Variants in KCNH8 observed in about 807,000 individuals in gnomAD.
The protein encoded by KCNH8 is voltage-gated delayed rectifier potassium channel KCNH8.
A neutral mutation model predicts 103.6 loss-of-function variants in KCNH8; 70 were observed. The observed-to-expected ratio is 0.68, with a 90% CI of 0.56 to 0.82. The LOEUF (loss-of-function observed/expected upper bound fraction) is 0.82, where lower values mean the gene tolerates loss of function less well. KCNH8 is among the 40% of genes least tolerant of loss of function. KCNH8 has a pLI of 0.00. For missense variants in KCNH8, 1,217 were observed against 1,329.9 expected (o/e 0.92, Z 1.32); for synonymous variants, 498 against 489.4 (o/e 1.02, Z -0.23).
chr3:19,151,262 C>G (rs987011659), intron 1 of KCNH8, among the ~76,000 whole-genome samples: 1 of 151,882 alleles, frequency 6.6e-6, no homozygotes, highest in Non-Finnish European at 1.5e-5. Context: ...CATTTATTTT[C>G]TTTTGCAAGA....
At position 19,281,247 on chromosome 3, in the gene KCNH8, A is replaced by G. The variant is rs1362484759; in HGVS notation, c.360A>G (p.Lys120=). The part of the protein sequence containing the change: ...LLDIVPIKNE[K]GDVVLFLASF... Reference sequence around the variant, plus strand: ...ATATTGTTCCCATAAAGAATGAAAAAGGAGATGTAGTACTTTTTCTGGCCT... The same window carrying G: ...ATATTGTTCCCATAAAGAATGAAAAGGGAGATGTAGTACTTTTTCTGGCCT... The change falls in exon 3 of 16, where the codon AAA becomes AAG. Residue 120 remains lysine, a synonymous_variant. Transcript: ENST00000328405. 1.2e-6 allele frequency: 2 copies of G among 1,611,544 alleles called. No individual in the cohort carries two copies. The highest frequency in any genetic ancestry group is 2.2e-5 in the East Asian group (1 of 44,766).
intron 3 of KCNH8, among the ~76,000 whole-genome samples, chr3:19,290,643 G>T (rs991672336): frequency 1.1e-4 from 17 of 152,204 alleles, no homozygotes; most frequent in Non-Finnish European, 2.4e-4. Context: ...GCTGGATTCG[G>T]TTTGCCAGTA....
Position 19,533,948 on chromosome 3 carries a change from G to C in KCNH8, c.3173G>C (p.Gly1058Ala). The change falls in exon 16 of 16, where the codon GGA becomes GCA. Residue 1058 changes from glycine (G) to alanine (A), a missense_variant. By Grantham distance (60) the Gly-to-Ala change is moderately conservative. Around this residue, in one of 3 missense-constraint regions of KCNH8, gnomAD observed 558 missense variants for 495.8 expected, o/e 1.13. Transcript: ENST00000328405. ...TCAGAGGAGGGCAGCTTCAGTCAGG[G>C]AACTGTGAGTTCCTTCAGTCTGGAA... is the stretch of plus-strand genomic sequence containing the variant. ...SRSEEGSFSQ[G>A]TVSSFSLENL... 1 of 1,614,162 alleles carries C rather than the reference G, an allele frequency of 6.2e-7. No individual in the cohort carries two copies. Among genetic ancestry groups the C allele is most frequent in the Non-Finnish European group, 8.5e-7 (1 of 1,180,020 alleles).
intron 5 of KCNH8, among the ~76,000 whole-genome samples, chr3:19,352,565 C>T (rs2065818458): frequency 6.6e-6 from 1 of 152,182 alleles, no homozygotes; most frequent in Non-Finnish European, 1.5e-5. Flanking sequence ...AACTAGAACT[C>T]AGGATTAAGA....
At chr3:19,402,366 T>C (rs2066626046) in intron 7 of KCNH8, among the ~76,000 whole-genome samples, 1 of 152,022 alleles carries the variant, frequency 6.6e-6, no homozygotes, top group East Asian at 1.9e-4. Context: ...ACATCACATG[T>C]ATCATCCTAC....
intron 5 of KCNH8, among the ~76,000 whole-genome samples, chr3:19,351,025 T>C (rs995402721): frequency 2.6e-5 from 4 of 151,968 alleles, no homozygotes; most frequent in Non-Finnish European, 5.9e-5. Context: ...ATAAACAGCA[T>C]AGAGAAGACC....
At chr3:19,231,036 A>G (rs1490580724) in intron 1 of KCNH8, among the ~76,000 whole-genome samples, 1 of 152,190 alleles carries the variant, frequency 6.6e-6, no homozygotes, top group Non-Finnish European at 1.5e-5. Flanking sequence ...ACTATATCCA[A>G]TTATGTTACT....
chr3:19,153,426 A>G (rs1488621389), intron 1 of KCNH8, among the ~76,000 whole-genome samples: 3 of 152,060 alleles, frequency 2.0e-5, no homozygotes, highest in Admixed American at 6.6e-5. Flanking sequence ...AGGTCGTGGC[A>G]TGAGACCTCT....
chr3:19,242,684 A>T (rs949933060), intron 1 of KCNH8, among the ~76,000 whole-genome samples: 3 of 152,050 alleles, frequency 2.0e-5, no homozygotes, highest in African/African-American at 7.2e-5. Context: ...GAAGGTCTTA[A>T]TTTTTTGTGT....
chr3:19,377,328 G>T lies in KCNH8; in HGVS notation c.812-13153G>T, dbSNP rs373329681. On this transcript the variant is annotated intron_variant, in intron 5 of 15. Coordinates refer to ENST00000328405, the MANE Select transcript of KCNH8 (RefSeq NM_144633.3). ...CACTTTTTTAAGGTTCCTGATCAGG[G>T]CATTGAGTGGATTTGTGCACATTTG... 3.9e-5 allele frequency among the ~76,000 whole-genome samples: 6 copies of T among 152,274 alleles called. No individual in the cohort carries two copies. In the East Asian group the frequency reaches 7.7e-4, roughly 20 times the overall value.
At chr3:19,211,437 A>G (rs142057951) in intron 1 of KCNH8, among the ~76,000 whole-genome samples, 1 of 152,322 alleles carries the variant, frequency 6.6e-6, no homozygotes, top group African/African-American at 2.4e-5. Flanking sequence ...CTAAAAAGGC[A>G]GGATGGTGTG....
intron 15 of KCNH8, among the ~76,000 whole-genome samples, chr3:19,524,951 T>C (rs2069037818): frequency 6.6e-6 from 1 of 151,876 alleles, no homozygotes. Context: ...TACAGAAACA[T>C]GAGTTAGAGA....
At chr3:19,232,345 AT>A (rs2064005397) in intron 1 of KCNH8, among the ~76,000 whole-genome samples, 1 of 152,154 alleles carries the variant, frequency 6.6e-6, no homozygotes, top group South Asian at 2.1e-4. Context: ...ATCCCTCAAC[AT>A]TTTCATCAAA....
intron 7 of KCNH8, among the ~76,000 whole-genome samples, chr3:19,427,837 G>C (rs2067051711): frequency 6.6e-6 from 1 of 152,164 alleles, no homozygotes; most frequent in African/African-American, 2.4e-5. Context: ...CGTCCTAGAT[G>C]ATGGAGACAG....
chr3:19,187,324 A>G (rs973047260), intron 1 of KCNH8, among the ~76,000 whole-genome samples: 2 of 151,982 alleles, frequency 1.3e-5, no homozygotes, highest in African/African-American at 4.8e-5. Context: ...ATGCATAGAT[A>G]TATATATACT....
Position 19,148,661 on chromosome 3 carries a change from C to A in KCNH8, c.-59C>A. On this transcript the variant is annotated 5_prime_UTR_variant, in exon 1 of 16. Transcript: ENST00000328405. ...TCCCCTTCTCCCTTCTTGGCACTTTCCTTTCGAACCATCCTTCTGGACAAA... is the reference window on the plus strand; with the variant it reads ...TCCCCTTCTCCCTTCTTGGCACTTTACTTTCGAACCATCCTTCTGGACAAA... 1 of 1,547,744 alleles carries A rather than the reference C, an allele frequency of 6.5e-7. No homozygotes were observed. Among genetic ancestry groups the A allele is most frequent in the Non-Finnish European group, 8.9e-7 (1 of 1,119,102 alleles).
chr3:19,383,521 G>A (rs1445379271), intron 5 of KCNH8, among the ~76,000 whole-genome samples: 1 of 152,046 alleles, frequency 6.6e-6, no homozygotes, highest in Non-Finnish European at 1.5e-5. Flanking sequence ...ACAGGCGCCC[G>A]CCACTACATC....
intron 5 of KCNH8, among the ~76,000 whole-genome samples, chr3:19,375,123 T>C (rs562900447): frequency 1.5e-4 from 23 of 151,960 alleles, no homozygotes; most frequent in Admixed American, 4.6e-4. Flanking sequence ...TGTGGCGTTC[T>C]CTGTATTTCC....
rs550845615 is a variant in KCNH8 at position 19,154,342 on chromosome 3, G to A, written c.76+5547G>A. 7.9e-5 allele frequency among the ~76,000 whole-genome samples: 12 copies of A among 152,184 alleles called. No homozygotes were observed. The South Asian group carries it at 2.5e-3, about 32-fold the overall frequency. On this transcript the variant is annotated intron_variant, in intron 1 of 15. Transcript: ENST00000328405. ...AAGGGGTCAATGTAGAAGTAAGAGG[G>A]CAATGGAAAGTAGGTTAGACCAGCC...
Sources: gnomAD v4.1 joint callset for allele counts (sites outside exome capture counted in the v4.1 genomes callset) on GRCh38, gnomAD v4.1.1 for gene constraint, gnomAD v4.1.1 regional missense constraint, MANE v1.5 for transcripts, NCBI Gene and HGNC (gene_info 2026-07-23, HGNC 2026-07-21) for gene names.